Variants in ZNF264 observed in about 807,000 individuals in gnomAD.
ZNF264 encodes zinc finger protein 264.
ZNF264 carries 11 observed loss-of-function variants against 11.2 expected under a neutral mutation model. The observed-to-expected ratio is 0.98, with a 90% CI of 0.62 to 1.63. ZNF264 has a LOEUF of 1.63. Ranked by LOEUF, ZNF264 falls within the 40% of genes most tolerant of loss-of-function variation. The pLI, the probability that ZNF264 is intolerant of heterozygous loss-of-function variation, is 0.00. For missense variants in ZNF264, 752 were observed against 768.1 expected, an observed-to-expected ratio of 0.98 and a Z score of 0.25; for synonymous variants, 309 against 279.8, an observed-to-expected ratio of 1.10 and a Z score of -1.04.
At chr19:57,198,429 A>G (rs2087228048) in intron 2 of ZNF264, among the ~76,000 whole-genome samples, 1 of 151,614 alleles carries the variant, frequency 6.6e-6, no homozygotes, top group South Asian at 2.1e-4. Flanking sequence ...TTGATTTACT[A>G]TTTTTCTAGG....
chr19:57,194,146 C>G, intron 2 of ZNF264, 145 bp downstream of exon 2: 1 of 1,155,360 alleles, frequency 8.7e-7, no homozygotes, highest in East Asian at 2.6e-5. Context: ...CCACAGTAAC[C>G]TCTTCCTATC....
chr19:57,211,394 T>C lies in ZNF264; in HGVS notation c.297T>C (p.Cys99=), dbSNP rs562394382. The C allele has an allele frequency of 6.2e-7, 1 of 1,614,046 alleles. No homozygotes were observed. Among genetic ancestry groups the C allele is most frequent in the South Asian group, 1.1e-5 (1 of 91,068 alleles). The change falls in exon 4 of 4, where the codon TGT becomes TGC. Residue 99 remains cysteine (C), a synonymous_variant. Transcript: ENST00000263095. The part of the protein sequence containing the change: ...GKPKTTEPTT[C]EPALSEGISL... Reference sequence around the variant, plus strand: ...CTAAGACCACAGAACCTACCACTTGTGAGCCAGCCTTGTCAGAGGGAATCT... The same window carrying C: ...CTAAGACCACAGAACCTACCACTTGCGAGCCAGCCTTGTCAGAGGGAATCT...
Position 57,195,576 on chromosome 19 carries a change from G to A in ZNF264, c.160+1575G>A, listed in dbSNP as rs546064925. 1.2e-4 allele frequency among the ~76,000 whole-genome samples: 18 copies of A among 152,086 alleles called. No individual in the cohort carries two copies. In the South Asian group the frequency reaches 3.7e-3, roughly 32 times the overall value. On this transcript the variant is annotated intron_variant, in intron 2 of 3. Coordinates refer to ENST00000263095, the MANE Select transcript of ZNF264 (RefSeq NM_003417.5). The stretch of plus-strand genomic sequence containing the variant: ...CCATTTGTAGTCCTGCCTGGATTGG[G>A]CTGTTGTAGCTTCCCATTGACCTTA...
Position 57,216,450 on chromosome 19 carries a change from G to C in ZNF264, c.*3469G>C, listed in dbSNP as rs2087380879. ...GCAAAGTTCAAAGCTGTATTGTTTG[G>C]TACATATACATGTAGGTTTGCCAAG... On this transcript the variant is annotated 3_prime_UTR_variant, in exon 4 of 4. Transcript: ENST00000263095. 1 of 152,174 alleles carries C rather than the reference G, an allele frequency of 6.6e-6. No individual in the cohort carries two copies. The highest frequency in any genetic ancestry group is 2.1e-4 in the South Asian group (1 of 4,824). The allele number at this position is 152,174 out of a possible 1,614,324, so 9.4% of individuals were successfully genotyped here. A position where few individuals can be genotyped will look rare whatever the true frequency, so the allele number is the denominator to read the frequency against.
Position 57,211,672 on chromosome 19 carries a change from A to G in ZNF264, c.575A>G (p.Lys192Arg), listed in dbSNP as rs1460107678. ...VRSHNSCESG[K>R]DPMIQEEENN... The stretch of plus-strand genomic sequence containing the variant: ...AGCCATAACTCATGTGAGTCAGGTA[A>G]AGATCCCATGATTCAGGAAGAGGAA... The change falls in exon 4 of 4, where the codon AAA (lysine) becomes AGA (arginine). Residue 192 changes from lysine to arginine, a missense_variant. Lys to Arg is a conservative substitution (Grantham distance 26). Coordinates refer to ENST00000263095, the MANE Select transcript of ZNF264 (RefSeq NM_003417.5). 6.2e-7 allele frequency: 1 copy of G among 1,614,198 alleles called. No individual in the cohort carries two copies. The highest frequency in any genetic ancestry group is 8.5e-7 in the Non-Finnish European group (1 of 1,180,026).
chr19:57,197,788 A>G (rs1432177580), intron 2 of ZNF264, among the ~76,000 whole-genome samples: 5 of 152,082 alleles, frequency 3.3e-5, no homozygotes, highest in African/African-American at 4.8e-5. Context: ...CTTAGAAGGC[A>G]TATCTTGACA....
rs1164259664 is a variant in ZNF264 at position 57,214,530 on chromosome 19, T to C, written c.*1549T>C. 6.6e-6 allele frequency: 1 copy of C among 152,116 alleles called. No homozygotes were observed. The highest frequency in any genetic ancestry group is 1.5e-5 in the Non-Finnish European group (1 of 68,036). The allele number at this position is 152,116 out of a possible 1,614,324, so 9.4% of individuals were successfully genotyped here. A position where few individuals can be genotyped will look rare whatever the true frequency, so the allele number is the denominator to read the frequency against. On this transcript the variant is annotated 3_prime_UTR_variant, in exon 4 of 4. Coordinates refer to ENST00000263095, the MANE Select transcript of ZNF264 (RefSeq NM_003417.5). ...CCAGTCCCAGCTAATTTTTGTATTT[T>C]TTGGTAGAGACAGGGTTTCACCATG...
rs529642483 is a variant in ZNF264, at chr19:57,197,511, G to GA, written c.160+3511dup. 6.2e-4 allele frequency among the ~76,000 whole-genome samples: 95 copies of GA among 152,054 alleles called. No homozygotes were observed. The East Asian group carries it at 0.01, about 16-fold the overall frequency. The stretch of plus-strand genomic sequence containing the variant: ...CCAAACAGCATCCCTATCTGCCACT[G>GA]ACACCTCAAGCACCATTGGATCTGC... On this transcript the variant is annotated intron_variant, in intron 2 of 3. Transcript: ENST00000263095.
rs1403916546 is a variant in ZNF264, at chr19:57,217,285, G to A, written c.*4304G>A. Reference sequence around the variant, plus strand: ...ATTACAGTGTAAATATATAACTTATGACAGTTTAATAAGTTATCAGCAATT... The same window carrying A: ...ATTACAGTGTAAATATATAACTTATAACAGTTTAATAAGTTATCAGCAATT... On this transcript the variant is annotated 3_prime_UTR_variant, in exon 4 of 4. Coordinates refer to ENST00000263095, the MANE Select transcript of ZNF264 (RefSeq NM_003417.5). 1 of 152,084 alleles carries A rather than the reference G, an allele frequency of 6.6e-6. No homozygotes were observed. The highest frequency in any genetic ancestry group is 2.4e-5 in the African/African-American group (1 of 41,392). The allele number at this position is 152,084 out of a possible 1,614,324, so 9.4% of individuals were successfully genotyped here. A position where few individuals can be genotyped will look rare whatever the true frequency, so the allele number is the denominator to read the frequency against.
intron 2 of ZNF264, among the ~76,000 whole-genome samples, chr19:57,200,532 T>TTTGTCTC (rs1555764400): frequency 2.0e-5 from 2 of 101,934 alleles, no homozygotes; most frequent in Admixed American, 9.0e-5. Flanking sequence ...TTTCTTTGTC[T>TTTGTCTC]TTGTCTCTTG....
intron 2 of ZNF264, chr19:57,195,112 C>T (rs1335969002): frequency 1.5e-5 from 5 of 324,148 alleles, no homozygotes; most frequent in Non-Finnish European, 1.7e-5. Flanking sequence ...CAACTTGAAC[C>T]CATACACATC....
chr19:57,199,027 T>C (rs1371348850), intron 2 of ZNF264, among the ~76,000 whole-genome samples: 1 of 151,910 alleles, frequency 6.6e-6, no homozygotes, highest in Non-Finnish European at 1.5e-5. Flanking sequence ...GCAGTAGGCT[T>C]CCTATCAGTT....
At position 57,200,156 on chromosome 19, in the gene ZNF264, T is replaced by G. The variant is rs578046855; in HGVS notation, c.161-5241T>G. 4.6e-5 allele frequency among the ~76,000 whole-genome samples: 7 copies of G among 151,884 alleles called. No individual in the cohort carries two copies. In the South Asian group the frequency reaches 1.2e-3, roughly 27 times the overall value. On this transcript the variant is annotated intron_variant, in intron 2 of 3. Coordinates refer to ENST00000263095, the MANE Select transcript of ZNF264 (RefSeq NM_003417.5). The stretch of plus-strand genomic sequence containing the variant: ...TTGTAGAAAAACAGACATAAGCTAG[T>G]CATGTGAGTGGCTGACCTGCAACAA...
chr19:57,207,783 A>G (rs1286721390), intron 3 of ZNF264, among the ~76,000 whole-genome samples: 2 of 150,878 alleles, frequency 1.3e-5, no homozygotes, highest in Non-Finnish European at 3.0e-5. Flanking sequence ...CGGGAGTACA[A>G]TGGCGCAATC....
In ZNF264 at chr19:57,218,077, C is replaced by G. The variant is rs1480016291; in HGVS notation, c.*5096C>G. On this transcript the variant is annotated 3_prime_UTR_variant, in exon 4 of 4. Coordinates refer to ENST00000263095, the MANE Select transcript of ZNF264 (RefSeq NM_003417.5). ...CTCTTTACCCATTCCATTGTTCATT[C>G]TTCTTTCTTGAAATCCCAAACCTTC... 1 of 149,912 alleles carries G rather than the reference C, an allele frequency of 6.7e-6. No homozygotes were observed. Among genetic ancestry groups the G allele is most frequent in the East Asian group, 1.9e-4 (1 of 5,198 alleles). 9.3% of individuals were successfully genotyped at this position (149,912 alleles called of 1,614,324 possible). A position where few individuals can be genotyped will look rare whatever the true frequency, so the allele number is the denominator to read the frequency against.
At chr19:57,193,760 G>C in intron 1 of ZNF264, 115 bp from the exon 2 acceptor site, 1 of 1,443,162 alleles carries the variant, frequency 6.9e-7, no homozygotes, top group Non-Finnish European at 9.5e-7. Context: ...AGGCCCTCAG[G>C]AGGTGCTCTG....
chr19:57,197,950 T>C (rs1463731537), intron 2 of ZNF264, among the ~76,000 whole-genome samples: 1 of 151,996 alleles, frequency 6.6e-6, no homozygotes, highest in African/African-American at 2.4e-5. Flanking sequence ...GTCGGCATAA[T>C]GTCATAAATG....
rs1599956372 is a variant in ZNF264 at position 57,213,911 on chromosome 19, C to T, written c.*930C>T. 6.6e-6 allele frequency: 1 copy of T among 152,030 alleles called. No homozygotes were observed. Among genetic ancestry groups the T allele is most frequent in the African/African-American group, 2.4e-5 (1 of 41,370 alleles). The allele number at this position is 152,030 out of a possible 1,614,324, so 9.4% of individuals were successfully genotyped here. ...TTTCATTAATGTTAAAAATTTTCAGCGTATAGATCCCTATGCATTTTTGTT... is the reference window on the plus strand; with the variant it reads ...TTTCATTAATGTTAAAAATTTTCAGTGTATAGATCCCTATGCATTTTTGTT... On this transcript the variant is annotated 3_prime_UTR_variant, in exon 4 of 4. Coordinates refer to ENST00000263095, the MANE Select transcript of ZNF264 (RefSeq NM_003417.5).
intron 1 of ZNF264, chr19:57,193,542 T>C: frequency 1.0e-6 from 1 of 985,346 alleles, no homozygotes; most frequent in Non-Finnish European, 1.2e-6. Flanking sequence ...GAGACTCAGG[T>C]ACTGCCGTTG....
Sources: allele counts gnomAD v4.1 joint callset (sites outside exome capture counted in the v4.1 genomes callset), GRCh38; gene constraint gnomAD v4.1.1; transcripts MANE v1.5; gene names NCBI Gene and HGNC (gene_info 2026-07-23, HGNC 2026-07-21).